The following NUCB1 variants were observed in gnomAD, a reference collection of about 807,000 sequenced individuals.
NUCB1 encodes the protein nucleobindin-1.
NUCB1 carries 47 observed loss-of-function variants against 61.2 expected under a neutral mutation model. That is an observed-to-expected ratio of 0.77 (90% CI 0.61 to 0.98). The LOEUF (loss-of-function observed/expected upper bound fraction) is 0.98. Among genes scored for constraint, NUCB1 ranks in the 50% least tolerant of loss-of-function variants. NUCB1 has a pLI of 0.00. For synonymous variants in NUCB1, 234 were observed against 243.1 expected (o/e 0.96, Z 0.35); for missense variants, 583 against 605.3 (o/e 0.96, Z 0.39).
chr19:48,910,460 T>G (rs1189858385), intron 4 of NUCB1, among the ~76,000 whole-genome samples: 5 of 150,224 alleles, frequency 3.3e-5, no homozygotes, highest in African/African-American at 9.7e-5. Context: ...CCGAGGTGGG[T>G]GGATCACCTG....
intron 4 of NUCB1, among the ~76,000 whole-genome samples, chr19:48,906,403 C>CAAAA (rs550726351): frequency 5.2e-5 from 6 of 115,908 alleles, no homozygotes; most frequent in African/African-American, 1.5e-4. Flanking sequence ...AACTCTGACT[C>CAAAA]AAAAAAAAAA....
chr19:48,900,484 G>A, intron 1 of NUCB1, 112 bp downstream of exon 1: 1 of 425,022 alleles, frequency 2.4e-6, no homozygotes. Context: ...TTAGGTCCTG[G>A]GAAAAGAGGA....
rs554776813 is a variant in NUCB1 at position 48,902,361 on chromosome 19, G to A, written c.135+1430G>A. ...CTTGACCTCTTGATCTGCCTGCCTC[G>A]GCCTCCCAAAGTGGTGGGATTACAG... On this transcript the variant is annotated intron_variant, in intron 2 of 12. Transcript: ENST00000405315. Among the ~76,000 whole-genome samples the A allele has an allele frequency of 2.8e-4, 42 of 151,330 alleles. No homozygotes were observed. The South Asian group carries it at 8.1e-3, about 29-fold the overall frequency.
At chr19:48,904,970 C>T (rs1301111657) in intron 3 of NUCB1, among the ~76,000 whole-genome samples, 4 of 144,080 alleles carry the variant, frequency 2.8e-5, no homozygotes, top group African/African-American at 1.1e-4. Flanking sequence ...TGCAGAGTCC[C>T]GTGGGCAGGC....
chr19:48,922,649 C>T lies in NUCB1; in HGVS notation c.*225C>T. Reference sequence around the variant, plus strand: ...TCCCTTCTGTCCTCCGAGGGGCTTGCCTTCTCTCGTGTCCAGTGAGGTGCT... The same window carrying T: ...TCCCTTCTGTCCTCCGAGGGGCTTGTCTTCTCTCGTGTCCAGTGAGGTGCT... On this transcript the variant is annotated 3_prime_UTR_variant, in exon 13 of 13. Coordinates refer to ENST00000405315, the MANE Select transcript of NUCB1 (RefSeq NM_006184.6). 1 of 527,482 alleles carries T rather than the reference C, an allele frequency of 1.9e-6. No homozygotes were observed. Among genetic ancestry groups the T allele is most frequent in the Non-Finnish European group, 3.4e-6 (1 of 290,888 alleles). The allele number at this position is 527,482 out of a possible 1,614,324, so 32.7% of individuals were successfully genotyped here. A position where few individuals can be genotyped will look rare whatever the true frequency, so the allele number is the denominator to read the frequency against.
chr19:48,905,769 G>C lies in NUCB1; in HGVS notation c.260G>C (p.Arg87Pro), dbSNP rs111959800. 6.2e-7 allele frequency: 1 copy of C among 1,614,060 alleles called. No homozygotes were observed. Among genetic ancestry groups the C allele is most frequent in the Non-Finnish European group, 8.5e-7 (1 of 1,180,028 alleles). ...TCCTGTCAGAGCGGGAAGCTGAGCC[G>C]AGAGCTGGACTTTGTCAGCCACCAC... The part of the protein sequence containing the change: ...AEDIKSGKLS[R>P]ELDFVSHHVR... The change falls in exon 4 of 13, where the codon CGA becomes CCA. Residue 87 changes from arginine to proline, a missense_variant. Coordinates refer to ENST00000405315, the MANE Select transcript of NUCB1 (RefSeq NM_006184.6).
intron 11 of NUCB1, 104 bp from the exon 12 acceptor site, chr19:48,921,723 C>T: frequency 9.2e-7 from 1 of 1,090,730 alleles, no homozygotes; most frequent in Non-Finnish European, 1.4e-6. Context: ...TGGCCGTGAC[C>T]ACTTAGCAGG....
intron 2 of NUCB1, among the ~76,000 whole-genome samples, chr19:48,901,781 T>C (rs1306918206): frequency 6.6e-6 from 1 of 152,088 alleles, no homozygotes; most frequent in Non-Finnish European, 1.5e-5. Context: ...TGAGACTGTC[T>C]CAAAAAACAA....
intron 10 of NUCB1, 29 bp from the exon 11 acceptor site, chr19:48,921,125 C>A (rs558686928): frequency 5.3e-5 from 84 of 1,579,506 alleles, no homozygotes; most frequent in Non-Finnish European, 2.2e-5. Flanking sequence ...GGACCTGTGC[C>A]CCTGATGGCC....
chr19:48,916,319 T>A (rs917068381), intron 7 of NUCB1, among the ~76,000 whole-genome samples: 25 of 152,076 alleles, frequency 1.6e-4, no homozygotes, highest in African/African-American at 5.6e-4. Flanking sequence ...CCAGCACAGC[T>A]CTAGAGAGGA....
rs2037424810 is a variant in NUCB1, at chr19:48,907,436, T to C, written c.376+1551T>C. Among the ~76,000 whole-genome samples the C allele has an allele frequency of 3.9e-5, 6 of 152,066 alleles. No homozygotes were observed. The South Asian group carries it at 1.2e-3, about 32-fold the overall frequency. ...GATTACAGGTGTGTGCCACCACACC[T>C]GGCTAATTTTGTATTTTTAGTAGAT... On this transcript the variant is annotated intron_variant, in intron 4 of 12. Coordinates refer to ENST00000405315, the MANE Select transcript of NUCB1 (RefSeq NM_006184.6).
At chr19:48,917,831 G>A (rs974717220) in intron 7 of NUCB1, among the ~76,000 whole-genome samples, 14 of 147,442 alleles carry the variant, frequency 9.5e-5, no homozygotes, top group African/African-American at 2.5e-4. Context: ...TTGTAGAGAC[G>A]GGGTCTAGCC....
At chr19:48,907,762 C>A (rs2037427925) in intron 4 of NUCB1, among the ~76,000 whole-genome samples, 1 of 152,232 alleles carries the variant, frequency 6.6e-6, no homozygotes, top group Non-Finnish European at 1.5e-5. Context: ...CCAGTGCCCT[C>A]AGGCCCGCAT....
intron 2 of NUCB1, among the ~76,000 whole-genome samples, chr19:48,904,141 T>C (rs1448089120): frequency 6.6e-6 from 1 of 152,124 alleles, no homozygotes; most frequent in East Asian, 1.9e-4. Flanking sequence ...CAACAAGTCA[T>C]GTCCACTCTG....
At position 48,904,515 on chromosome 19, in the gene NUCB1, G is replaced by T; in HGVS notation, c.243+61G>T. ...CGTGCTGGGAGGGCAGAGTTCAGGGGAGGACTGGTTTCTTTTTTTTTTTTT... is the reference window on the plus strand; with the variant it reads ...CGTGCTGGGAGGGCAGAGTTCAGGGTAGGACTGGTTTCTTTTTTTTTTTTT... On this transcript the variant is annotated intron_variant, in intron 3 of 12. Coordinates refer to ENST00000405315, the MANE Select transcript of NUCB1 (RefSeq NM_006184.6). The T allele has an allele frequency of 2.0e-6, 2 of 1,021,654 alleles. 1 individual carries two copies. Among genetic ancestry groups the T allele is most frequent in the South Asian group, 2.8e-5 (2 of 70,484 alleles). 63.3% of individuals were successfully genotyped at this position (1,021,654 alleles called of 1,614,324 possible).
At position 48,906,535 on chromosome 19, in the gene NUCB1, A is replaced by G. The variant is rs543934394; in HGVS notation, c.376+650A>G. Among the ~76,000 whole-genome samples the G allele has an allele frequency of 2.6e-5, 4 of 152,220 alleles. No individual in the cohort carries two copies. The East Asian group carries it at 7.7e-4, about 29-fold the overall frequency. ...CAGAAGTTCAAAACCAGCCTGGGCAACATAGCAAGACCCCTGTCTCTATAA... is the reference window on the plus strand; with the variant it reads ...CAGAAGTTCAAAACCAGCCTGGGCAGCATAGCAAGACCCCTGTCTCTATAA... On this transcript the variant is annotated intron_variant, in intron 4 of 12. Transcript: ENST00000405315.
chr19:48,914,139 C>G (rs1006329445), intron 7 of NUCB1, among the ~76,000 whole-genome samples: 4 of 151,876 alleles, frequency 2.6e-5, no homozygotes, highest in African/African-American at 7.3e-5. Flanking sequence ...CCATGCCCGG[C>G]TAACTTTTGT....
At chr19:48,915,215 A>C (rs1268217862) in intron 7 of NUCB1, among the ~76,000 whole-genome samples, 2 of 152,240 alleles carry the variant, frequency 1.3e-5, no homozygotes, top group Non-Finnish European at 1.5e-5. Context: ...GTGGTGGCTC[A>C]CGCCTGTAAT....
At chr19:48,903,678 A>G (rs1429289285) in intron 2 of NUCB1, among the ~76,000 whole-genome samples, 1 of 65,282 alleles carries the variant, frequency 1.5e-5, no homozygotes, top group East Asian at 4.7e-4. Context: ...GGATGAGTGG[A>G]TGGATGGATG....
Sources: allele counts gnomAD v4.1 joint callset (sites outside exome capture counted in the v4.1 genomes callset), GRCh38; gene constraint gnomAD v4.1.1; transcripts MANE v1.5; gene names NCBI Gene and HGNC (gene_info 2026-07-23, HGNC 2026-07-21).